FOXN3: variants seen among roughly 807,000 people sequenced by gnomAD.
FOXN3 encodes the protein forkhead box N3.
In FOXN3, 7 loss-of-function variants were observed where a neutral mutation model predicts 38.4. The ratio of observed to expected loss-of-function variants is 0.18; its 90% CI spans 0.10 to 0.34. FOXN3 has a LOEUF of 0.34. Among genes scored for constraint, FOXN3 ranks in the 10% least tolerant of loss-of-function variants. The pLI is 1.00. For synonymous variants in FOXN3, 230 were observed against 242.2 expected, an observed-to-expected ratio of 0.95 and a Z score of 0.47; for missense variants, 456 against 613.4, an observed-to-expected ratio of 0.74 and a Z score of 2.71.
At chr14:89,280,853 G>T in intron 4 of FOXN3, 97 bp downstream of exon 4, 1 of 1,051,666 alleles carries the variant, frequency 9.5e-7, no homozygotes, top group Non-Finnish European at 1.4e-6. Flanking sequence ...ACTCCTAAAC[G>T]GGACAGAACT....
At chr14:89,289,149 T>G (rs1392196574) in intron 3 of FOXN3, among the ~76,000 whole-genome samples, 1 of 138,928 alleles carries the variant, frequency 7.2e-6, no homozygotes, top group Non-Finnish European at 1.5e-5. Context: ...GCCACTGTAC[T>G]CCAGCCTGGG....
At chr14:89,421,528 A>ATT (rs1555353013), upstream of FOXN3, among the ~76,000 whole-genome samples, 2 of 144,748 alleles carry the variant, frequency 1.4e-5, no homozygotes, top group African/African-American at 2.5e-5. Flanking sequence ...ACCCAGGGAA[A>ATT]TTTTTTTTTT....
At chr14:89,290,452 C>T (rs764433959) in intron 3 of FOXN3, 4 of 396,074 alleles carry the variant, frequency 1.0e-5, no homozygotes, top group East Asian at 7.2e-5. Flanking sequence ...CCAATGCCCA[C>T]CAAACTGTCA....
intron 3 of FOXN3, among the ~76,000 whole-genome samples, chr14:89,309,070 T>C (rs1258945147): frequency 6.6e-6 from 1 of 152,212 alleles, no homozygotes. Context: ...GTTTGTTTTT[T>C]TATTTTTCCT....
intron 4 of FOXN3, among the ~76,000 whole-genome samples, chr14:89,258,188 C>T (rs1885685331): frequency 6.6e-6 from 1 of 152,118 alleles, no homozygotes; most frequent in South Asian, 2.1e-4. Flanking sequence ...CTGTAGGGGG[C>T]TGAGGAGGAG....
At chr14:89,304,390 T>C (rs192026939) in intron 3 of FOXN3, among the ~76,000 whole-genome samples, 107 of 152,154 alleles carry the variant, frequency 7.0e-4, no homozygotes, top group African/African-American at 2.5e-3. Context: ...AGAACCGCGG[T>C]GAAGACAGGA....
At chr14:89,358,736 C>A (rs1459514930) in intron 2 of FOXN3, among the ~76,000 whole-genome samples, 1 of 152,232 alleles carries the variant, frequency 6.6e-6, no homozygotes, top group Non-Finnish European at 1.5e-5. Flanking sequence ...TAGGCCAGTA[C>A]CACCCATGTG....
chr14:89,357,893 C>T (rs1383938953), intron 2 of FOXN3, among the ~76,000 whole-genome samples: 1 of 152,128 alleles, frequency 6.6e-6, no homozygotes, highest in African/African-American at 2.4e-5. Context: ...CTGCATAAGC[C>T]ACCTCTCTCC....
At chr14:89,358,482 A>G (rs560755439) in intron 2 of FOXN3, among the ~76,000 whole-genome samples, 1 of 152,288 alleles carries the variant, frequency 6.6e-6, no homozygotes, top group South Asian at 2.1e-4. Context: ...CCCATCCGTA[A>G]TAAGAACACA....
At chr14:89,601,692 G>C (rs563082253) in intron 1 of FOXN3, among the ~76,000 whole-genome samples, 20 of 152,234 alleles carry the variant, frequency 1.3e-4, no homozygotes, top group African/African-American at 4.8e-4. Flanking sequence ...CTGGCCTGGA[G>C]ACAGGTCAGC....
At chr14:89,181,856 A>T (rs1345706986) in intron 4 of FOXN3, among the ~76,000 whole-genome samples, 1 of 152,196 alleles carries the variant, frequency 6.6e-6, no homozygotes, top group East Asian at 1.9e-4. Flanking sequence ...GGGGAGCATC[A>T]CTAAGTGAGA....
intron 3 of FOXN3, among the ~76,000 whole-genome samples, chr14:89,317,912 G>A (rs750772811): frequency 6.7e-5 from 10 of 148,976 alleles, no homozygotes; most frequent in Non-Finnish European, 1.3e-4. Flanking sequence ...AGGGATCTAG[G>A]ATGCGCGCTC....
At chr14:89,266,161 G>A (rs1885972869) in intron 4 of FOXN3, among the ~76,000 whole-genome samples, 1 of 152,156 alleles carries the variant, frequency 6.6e-6, no homozygotes, top group African/African-American at 2.4e-5. Flanking sequence ...AAGACTGGGT[G>A]GTTTAAAGAA....
At chr14:89,276,791 C>G (rs1391116538) in intron 4 of FOXN3, among the ~76,000 whole-genome samples, 1 of 152,208 alleles carries the variant, frequency 6.6e-6, no homozygotes, top group African/African-American at 2.4e-5. Context: ...AATGGTCAGG[C>G]AGTAGCTCCT....
chr14:89,455,407 C>T (rs1892701440), intron 1 of FOXN3, among the ~76,000 whole-genome samples: 1 of 152,192 alleles, frequency 6.6e-6, no homozygotes, highest in Admixed American at 6.5e-5. Context: ...TGCTGTCATT[C>T]GGGGGCTGGT....
At position 89,556,041 on chromosome 14, in the gene FOXN3, A is replaced by G. The variant is rs186294581; in HGVS notation, c.-15+62987T>C. Among the ~76,000 whole-genome samples the G allele has an allele frequency of 2.2e-4, 34 of 152,240 alleles. No homozygotes were observed. In the East Asian group the frequency reaches 5.2e-3, roughly 23 times the overall value. On this transcript the variant is annotated intron_variant, in intron 1 of 6. Coordinates refer to the FOXN3 transcript ENST00000345097. The stretch of plus-strand genomic sequence containing the variant: ...TTACCTGGCCAGTTTTCATCATGTA[A>G]CAAGCAAAATTTAAGGGATGCTAAA...
At chr14:89,208,239 C>A (rs1410138038) in intron 4 of FOXN3, among the ~76,000 whole-genome samples, 1 of 152,208 alleles carries the variant, frequency 6.6e-6, no homozygotes, top group African/African-American at 2.4e-5. Context: ...CGGGCCCTAC[C>A]CATTGGCGTG....
chr14:89,457,964 A>G (rs1479781726), intron 1 of FOXN3, among the ~76,000 whole-genome samples: 1 of 133,442 alleles, frequency 7.5e-6, no homozygotes, highest in Non-Finnish European at 1.5e-5. Flanking sequence ...CAGTGAGCGG[A>G]GGTTGCAGTG....
upstream of FOXN3, among the ~76,000 whole-genome samples, chr14:89,420,974 G>C (rs1430252405): frequency 6.7e-6 from 1 of 149,568 alleles, no homozygotes; most frequent in East Asian, 2.0e-4. Context: ...AAAACCAGCA[G>C]AACAACTCAG....
Sources: allele counts gnomAD v4.1 joint callset (sites outside exome capture counted in the v4.1 genomes callset), GRCh38; gene constraint gnomAD v4.1.1; transcripts MANE v1.5; gene names NCBI Gene and HGNC (gene_info 2026-07-23, HGNC 2026-07-21).